The following ADGRG1 variants were observed in gnomAD, a reference collection of about 807,000 sequenced individuals.
ADGRG1 encodes adhesion G protein-coupled receptor G1.
Under a neutral mutation model 73.5 loss-of-function variants are expected in ADGRG1, and 53 were observed. The observed-to-expected ratio is 0.72, with a 90% CI of 0.58 to 0.91. ADGRG1 has a LOEUF of 0.91. ADGRG1 is among the 40% of genes least tolerant of loss of function. The pLI is 0.00. For missense variants in ADGRG1, 795 were observed against 871.8 expected, an observed-to-expected ratio of 0.91 and a Z score of 1.11; for synonymous variants, 394 against 374.4, an observed-to-expected ratio of 1.05 and a Z score of -0.60.
intron 13 of ADGRG1, among the ~76,000 whole-genome samples, chr16:57,662,439 G>A (rs1173794537): frequency 6.6e-6 from 1 of 152,112 alleles, no homozygotes; most frequent in Non-Finnish European, 1.5e-5. Flanking sequence ...TCCAGGCGCG[G>A]TCCACAGACC....
At chr16:57,654,234 T>A in intron 5 of ADGRG1, 101 bp downstream of exon 5, 2 of 1,201,862 alleles carry the variant, frequency 1.7e-6, no homozygotes, top group Non-Finnish European at 2.3e-6. Context: ...CGTCGCAGCC[T>A]CTCCCTGGGG....
intron 1 of ADGRG1, among the ~76,000 whole-genome samples, chr16:57,636,998 A>G (rs1277703334): frequency 6.6e-6 from 1 of 152,218 alleles, no homozygotes; most frequent in Non-Finnish European, 1.5e-5. Flanking sequence ...GGAGGCAGTC[A>G]GGGAAAGGGT....
intron 1 of ADGRG1, chr16:57,647,826 T>A (rs2148078081): frequency 1.0e-6 from 1 of 959,434 alleles, no homozygotes; most frequent in East Asian, 1.1e-4. Context: ...GTGTCTGGAT[T>A]TCTTCCGTGG....
At chr16:57,656,695 A>G (rs1459319802) in intron 9 of ADGRG1, 78 bp downstream of exon 9, 8 of 855,638 alleles carry the variant, frequency 9.3e-6, no homozygotes, top group Non-Finnish European at 1.6e-5. Flanking sequence ...TCATATATTC[A>G]GTCATTTATT....
rs2148672222 is a variant in ADGRG1, at chr16:57,664,474, C to A, written c.*892C>A. On this transcript the variant is annotated 3_prime_UTR_variant, in exon 14 of 14. Coordinates refer to ENST00000562631, the MANE Select transcript of ADGRG1 (RefSeq NM_201525.4). ...CAAGCACACGCCTCAGAGGGGCCCT[C>A]AGCCTCTCCTGAAGCCCTCTTGTGG... 6.6e-6 allele frequency: 1 copy of A among 152,522 alleles called. No homozygotes were observed. The highest frequency in any genetic ancestry group is 2.1e-4 in the South Asian group (1 of 4,830). 9.4% of individuals were successfully genotyped at this position (152,522 alleles called of 1,614,324 possible). A position where few individuals can be genotyped will look rare whatever the true frequency, so the allele number is the denominator to read the frequency against.
intron 1 of ADGRG1, chr16:57,645,104 C>T: frequency 1.0e-6 from 1 of 985,220 alleles, no homozygotes; most frequent in Non-Finnish European, 1.2e-6. Context: ...AGGAGTTCAT[C>T]CTCACCCTGC....
intron 1 of ADGRG1, chr16:57,630,497 C>T (rs1488259847): frequency 2.0e-6 from 2 of 985,640 alleles, no homozygotes; most frequent in Non-Finnish European, 1.2e-6. Flanking sequence ...GTGATCACAG[C>T]TGCCCTGGCT....
chr16:57,632,072 G>C (rs1404320656), intron 1 of ADGRG1: 3 of 985,474 alleles, frequency 3.0e-6, no homozygotes, highest in Non-Finnish European at 3.6e-6. Flanking sequence ...CAGGCCCTGG[G>C]CTCAGTGCCT....
At chr16:57,651,854 G>T in intron 3 of ADGRG1, 1 of 1,438,642 alleles carries the variant, frequency 7.0e-7, no homozygotes, top group South Asian at 1.4e-5. Context: ...GTTACTTTGT[G>T]GGCAGGCAGG....
At chr16:57,627,477 A>C (rs2036068593), upstream of ADGRG1, among the ~76,000 whole-genome samples, 1 of 152,178 alleles carries the variant, frequency 6.6e-6, no homozygotes, top group Non-Finnish European at 1.5e-5. Context: ...CTCATCTCTG[A>C]GCTACATGTA....
intron 1 of ADGRG1, chr16:57,639,377 C>T (rs748170008): frequency 7.1e-6 from 7 of 985,240 alleles, no homozygotes; most frequent in East Asian, 1.1e-4. Context: ...CAGCTGCCAA[C>T]GGTTGCCAGG....
chr16:57,626,777 G>A, upstream of ADGRG1: 1 of 985,304 alleles, frequency 1.0e-6, no homozygotes, highest in African/African-American at 1.7e-5. Context: ...GGGAACAGCT[G>A]AGGCTGCCCG....
Position 57,651,186 on chromosome 16 carries a change from C to T in ADGRG1, c.65-14C>T, listed in dbSNP as rs2043995912. 1 of 1,613,938 alleles carries T rather than the reference C, an allele frequency of 6.2e-7. No individual in the cohort carries two copies. The highest frequency in any genetic ancestry group is 1.1e-5 in the South Asian group (1 of 91,086). ...CCTGCCACGGGGTCCCATCTGCAGCCTCTGCCTCCTCAGGTGCCCACGGCA... is the reference window on the plus strand; with the variant it reads ...CCTGCCACGGGGTCCCATCTGCAGCTTCTGCCTCCTCAGGTGCCCACGGCA... On this transcript the variant is annotated splice_polypyrimidine_tract_variant and intron_variant, in intron 2 of 13. Transcript: ENST00000562631.
At chr16:57,662,823 T>C (rs78525475) in intron 13 of ADGRG1, 7,082 of 468,062 alleles carry the variant, frequency 0.015, 482 homozygotes, top group African/African-American at 0.14. Flanking sequence ...CACCCCTCTG[T>C]TCCTGGCCGT....
At chr16:57,646,639 C>T (rs1375809264) in intron 1 of ADGRG1, 7 of 985,034 alleles carry the variant, frequency 7.1e-6, no homozygotes, top group African/African-American at 3.5e-5. Context: ...ATTCTAAAGC[C>T]GGGGAGTTGG....
intron 10 of ADGRG1, 120 bp downstream of exon 10, chr16:57,657,611 T>C: frequency 1.2e-6 from 1 of 834,180 alleles, no homozygotes; most frequent in South Asian, 1.3e-5. Context: ...TGTGTGTGGT[T>C]AGGGGAGCTG....
chr16:57,636,736 C>A, intron 1 of ADGRG1: 1 of 978,258 alleles, frequency 1.0e-6, no homozygotes, highest in Non-Finnish European at 1.2e-6. Context: ...ACTCATCCAG[C>A]AGTCACTGGG....
At chr16:57,654,300 G>A (rs1398804178) in intron 5 of ADGRG1, among the ~76,000 whole-genome samples, 167 bp downstream of exon 5, 1 of 152,052 alleles carries the variant, frequency 6.6e-6, no homozygotes, top group Non-Finnish European at 1.5e-5. Flanking sequence ...TAGTTCAACC[G>A]TGGGATTGAG....
intron 2 of ADGRG1, chr16:57,621,411 C>T (rs76613170): frequency 0.041 from 6,251 of 152,016 alleles, 180 homozygotes; most frequent in Non-Finnish European, 0.061. Context: ...GAAACGGAGG[C>T]GCCCTCTTTA....
Sources: gnomAD v4.1 joint callset for allele counts (sites outside exome capture counted in the v4.1 genomes callset) on GRCh38, gnomAD v4.1.1 for gene constraint, MANE v1.5 for transcripts, NCBI Gene and HGNC (gene_info 2026-07-23, HGNC 2026-07-21) for gene names.